TAFA5: variants seen among roughly 807,000 people sequenced by gnomAD.
The protein encoded by TAFA5 is chemokine-like protein TAFA-5.
TAFA5 carries 6 observed loss-of-function variants against 15.3 expected under a neutral mutation model. That is an observed-to-expected ratio of 0.39 (90% CI 0.21 to 0.77). The LOEUF is 0.77. Among genes scored for constraint, TAFA5 ranks in the 30% least tolerant of loss-of-function variants. TAFA5 has a pLI of 0.41. For synonymous variants in TAFA5, 103 were observed against 80.7 expected (o/e 1.28, Z -1.48); for missense variants, 161 against 193.1 (o/e 0.83, Z 0.98).
intron 1 of TAFA5, among the ~76,000 whole-genome samples, chr22:48,614,292 C>T (rs1280352135): frequency 6.6e-6 from 1 of 152,246 alleles, no homozygotes; most frequent in Non-Finnish European, 1.5e-5. Flanking sequence ...CATCTGCCCC[C>T]CACAACTGTT....
At chr22:48,725,729 A>G (rs1929695563) in intron 3 of TAFA5, among the ~76,000 whole-genome samples, 1 of 151,784 alleles carries the variant, frequency 6.6e-6, no homozygotes, top group African/African-American at 2.4e-5. Context: ...TCACAGAAAA[A>G]AAAAAAAAAA....
intron 1 of TAFA5, among the ~76,000 whole-genome samples, chr22:48,634,679 AGT>A: frequency 1.1e-5 from 1 of 88,892 alleles, no homozygotes; most frequent in Non-Finnish European, 2.8e-5. Context: ...TGAGTCACTC[AGT>A]CAATCACTCA....
intron 1 of TAFA5, among the ~76,000 whole-genome samples, chr22:48,520,812 G>A (rs1921576043): frequency 6.6e-6 from 1 of 152,166 alleles, no homozygotes; most frequent in East Asian, 1.9e-4. Context: ...TAAACAAGGG[G>A]ATCTGGAAGG....
intron 1 of TAFA5, among the ~76,000 whole-genome samples, chr22:48,621,499 G>A (rs1185328076): frequency 2.0e-5 from 3 of 152,040 alleles, no homozygotes; most frequent in East Asian, 2.0e-4. Flanking sequence ...CACTCTGGCC[G>A]GGGTAGGGGC....
At chr22:48,575,279 C>G (rs913702709) in intron 1 of TAFA5, among the ~76,000 whole-genome samples, 11 of 151,932 alleles carry the variant, frequency 7.2e-5, no homozygotes, top group Admixed American at 6.6e-4. Flanking sequence ...TCGGCTGGGC[C>G]GGCCCCACCT....
chr22:48,611,469 T>C (rs1195663903), intron 1 of TAFA5, among the ~76,000 whole-genome samples: 1 of 152,194 alleles, frequency 6.6e-6, no homozygotes, highest in South Asian at 2.1e-4. Context: ...TCCTTCCTTC[T>C]AAACTCGGAA....
At chr22:48,739,532 C>T (rs2147272603) in intron 3 of TAFA5, among the ~76,000 whole-genome samples, 1 of 152,278 alleles carries the variant, frequency 6.6e-6, no homozygotes, top group South Asian at 2.1e-4. Flanking sequence ...TGCCTTCAGC[C>T]CGAGGACACC....
chr22:48,615,158 G>A (rs1296212106), intron 1 of TAFA5, among the ~76,000 whole-genome samples: 2 of 152,218 alleles, frequency 1.3e-5, no homozygotes, highest in Non-Finnish European at 1.5e-5. Flanking sequence ...GCCTGGAGGA[G>A]GGTGGACAGG....
intron 1 of TAFA5, among the ~76,000 whole-genome samples, chr22:48,559,173 G>A (rs1042126395): frequency 3.3e-5 from 5 of 152,216 alleles, no homozygotes; most frequent in African/African-American, 9.6e-5. Context: ...AGGCCGCCCG[G>A]GGCCATGGTG....
chr22:48,642,241 G>C (rs919154419), intron 1 of TAFA5, among the ~76,000 whole-genome samples: 11 of 152,184 alleles, frequency 7.2e-5, no homozygotes, highest in Non-Finnish European at 1.2e-4. Context: ...TCCCAGCCCT[G>C]CCAGAGCCCC....
chr22:48,663,542 A>G (rs943746001), intron 2 of TAFA5, among the ~76,000 whole-genome samples: 1 of 152,252 alleles, frequency 6.6e-6, no homozygotes, highest in East Asian at 1.9e-4. Context: ...AATTGCAGGC[A>G]TACTTGTTCA....
intron 3 of TAFA5, among the ~76,000 whole-genome samples, chr22:48,729,306 A>ATAAATATATAATAATTTTATATTTATTTG (rs1929797701): frequency 1.2e-5 from 1 of 83,866 alleles, no homozygotes; most frequent in African/African-American, 3.4e-5. Context: ...ATATTTATTT[A>ATAAATATATAATAATTTTATATTTATTTG]TAAATATATA....
At chr22:48,558,562 G>A (rs1302028421) in intron 1 of TAFA5, among the ~76,000 whole-genome samples, 1 of 152,188 alleles carries the variant, frequency 6.6e-6, no homozygotes, top group African/African-American at 2.4e-5. Context: ...CCATCCATGT[G>A]AGCGTGGCCT....
At chr22:48,589,708 G>A (rs981406107) in intron 1 of TAFA5, among the ~76,000 whole-genome samples, 106 of 148,968 alleles carry the variant, frequency 7.1e-4, no homozygotes, top group Admixed American at 1.3e-3. Flanking sequence ...CAGAGAGGGG[G>A]CCTCGTGAAG....
At chr22:48,555,917 G>T (rs893179522) in intron 1 of TAFA5, among the ~76,000 whole-genome samples, 1 of 152,210 alleles carries the variant, frequency 6.6e-6, no homozygotes, top group African/African-American at 2.4e-5. Flanking sequence ...CTTGTGAGGG[G>T]TGGAGGCCCT....
intron 2 of TAFA5, among the ~76,000 whole-genome samples, chr22:48,649,206 G>T (rs973906026): frequency 6.6e-6 from 1 of 152,224 alleles, no homozygotes; most frequent in Non-Finnish European, 1.5e-5. Context: ...TGCACCTGGG[G>T]GTTGCGTGCA....
At chr22:48,535,300 CAT>C (rs1458556075) in intron 1 of TAFA5, among the ~76,000 whole-genome samples, 1 of 152,224 alleles carries the variant, frequency 6.6e-6, no homozygotes, top group Non-Finnish European at 1.5e-5. Flanking sequence ...GTGACCTGCA[CAT>C]GAGTGTGCAT....
chr22:48,741,047 C>T (rs915426055), intron 3 of TAFA5, among the ~76,000 whole-genome samples: 2 of 152,144 alleles, frequency 1.3e-5, no homozygotes, highest in African/African-American at 4.8e-5. Context: ...GGAGACCCAG[C>T]GTCCCCGAGG....
Position 48,666,690 on chromosome 22 carries a change from G to T in TAFA5, c.262+19944G>T, listed in dbSNP as rs543216932. 1.4e-3 allele frequency among the ~76,000 whole-genome samples: 215 copies of T among 152,306 alleles called. 1 individual carries two copies. The highest frequency in any genetic ancestry group is 5.0e-3 in the African/African-American group (209 of 41,564). Reference sequence around the variant, plus strand: ...CAGTGCCAGGAATCCCCGTGACAGCGTCACACCGGCTAGTTCCACTGCCCT... The same window carrying T: ...CAGTGCCAGGAATCCCCGTGACAGCTTCACACCGGCTAGTTCCACTGCCCT... On this transcript the variant is annotated intron_variant, in intron 2 of 3. Coordinates refer to ENST00000402357, the MANE Select transcript of TAFA5 (RefSeq NM_001082967.3).
Sources: gnomAD v4.1 joint callset for allele counts (sites outside exome capture counted in the v4.1 genomes callset) on GRCh38, gnomAD v4.1.1 for gene constraint, MANE v1.5 for transcripts, NCBI Gene and HGNC (gene_info 2026-07-23, HGNC 2026-07-21) for gene names.